PIEZO1: variants seen among roughly 807,000 people sequenced by gnomAD.
The protein encoded by PIEZO1 is piezo type mechanosensitive ion channel component 1 (Er blood group), also known as piezo-type mechanosensitive ion channel component 1.
PIEZO1 carries 296 observed loss-of-function variants against 297.2 expected under a neutral mutation model. The observed-to-expected ratio is 1.00, with a 90% CI of 0.91 to 1.10. The LOEUF (loss-of-function observed/expected upper bound fraction) is 1.10, where lower values mean the gene tolerates loss of function less well. Among genes scored for constraint, PIEZO1 ranks in the 50% least tolerant of loss-of-function variants. The probability of loss-of-function intolerance (pLI) is 0.00; values close to 1 mark genes in which losing one functional copy is unlikely to be tolerated. For synonymous variants in PIEZO1, 2,427 were observed against 1,507.5 expected, an observed-to-expected ratio of 1.61 and a Z score of -14.13; for missense variants, 5,018 against 3,455.5, an observed-to-expected ratio of 1.45 and a Z score of -11.34.
intron 44 of PIEZO1, 24 bp downstream of exon 44, chr16:88,719,550 G>C: frequency 6.5e-7 from 1 of 1,547,922 alleles, no homozygotes; most frequent in Non-Finnish European, 8.7e-7. Context: ...CCCTTGTCCC[G>C]GCCCCCGCCC....
In PIEZO1 at chr16:88,759,866, A is replaced by T. The variant is rs555043623; in HGVS notation, c.65-10387T>A. Among the ~76,000 whole-genome samples the T allele has an allele frequency of 3.5e-4, 54 of 152,252 alleles. No homozygotes were observed. In the South Asian group the frequency reaches 4.3e-3, roughly 12 times the overall value. On this transcript the variant is annotated intron_variant, in intron 1 of 50. Coordinates refer to ENST00000301015, the MANE Select transcript of PIEZO1 (RefSeq NM_001142864.4). The stretch of plus-strand genomic sequence containing the variant: ...CAGAGTGCCAGCACAGGAGCCTTGG[A>T]CAGCAGACAGAGGGGGAAGCTGTGT...
chr16:88,722,687 GC>G lies in PIEZO1; in HGVS notation c.4670del (p.Gly1557AlafsTer47). ...CCAGCACGCCCCTGTGCACTTCGCCGCCCTGCAGGGCACAGCAGGGGGCTCA... is the reference window on the plus strand; with the variant it reads ...CCAGCACGCCCCTGTGCACTTCGCCGCCTGCAGGGCACAGCAGGGGGCTCA... ...RYLLTQELLQ[G>X]GEVHRGVLDQ... On this transcript the variant is annotated frameshift_variant and splice_region_variant, in exon 35 of 51. Coordinates refer to ENST00000301015, the MANE Select transcript of PIEZO1 (RefSeq NM_001142864.4). LOFTEE classifies it high-confidence loss of function. 1 of 1,536,550 alleles carries G rather than the reference GC, an allele frequency of 6.5e-7. No homozygotes were observed. The highest frequency in any genetic ancestry group is 8.7e-7 in the Non-Finnish European group (1 of 1,145,934).
chr16:88,722,417 C>A lies in PIEZO1; in HGVS notation c.4776-20G>T. 6.7e-7 allele frequency: 1 copy of A among 1,483,534 alleles called. No individual in the cohort carries two copies. Among genetic ancestry groups the A allele is most frequent in the South Asian group, 1.3e-5 (1 of 74,322 alleles). 91.9% of individuals were successfully genotyped at this position (1,483,534 alleles called of 1,614,324 possible). On this transcript the variant is annotated intron_variant, in intron 35 of 50. Coordinates refer to ENST00000301015, the MANE Select transcript of PIEZO1 (RefSeq NM_001142864.4). ...AGCCCACTGGGGAGGGAAGCCGAGT[C>A]ACAGAGAATCCTGCTCTATGGCCTG...
intron 1 of PIEZO1, among the ~76,000 whole-genome samples, chr16:88,761,968 G>A (rs1480652204): frequency 6.6e-6 from 1 of 152,216 alleles, no homozygotes; most frequent in African/African-American, 2.4e-5. Context: ...TGCGCAGGTG[G>A]GTTCCTCGCC....
chr16:88,779,671 G>C (rs1184082654), intron 1 of PIEZO1, among the ~76,000 whole-genome samples: 2 of 152,224 alleles, frequency 1.3e-5, no homozygotes, highest in Non-Finnish European at 2.9e-5. Flanking sequence ...CACCCCTGGG[G>C]ACGCGCTGTG....
chr16:88,742,161 C>T (rs1487698301), intron 3 of PIEZO1, 66 bp from the exon 4 acceptor site: 7 of 1,526,900 alleles, frequency 4.6e-6, no homozygotes, highest in Non-Finnish European at 5.3e-6. Context: ...CTGGTCATCC[C>T]TGGAGCGTTT....
At chr16:88,781,869 T>G in intron 1 of PIEZO1, among the ~76,000 whole-genome samples, 1 of 152,218 alleles carries the variant, frequency 6.6e-6, no homozygotes. Context: ...TGGTGACACT[T>G]CTCAGTGACA....
At chr16:88,733,792 G>A (rs547572245) in intron 17 of PIEZO1, 47 bp from the exon 18 acceptor site, 19 of 1,482,872 alleles carry the variant, frequency 1.3e-5, no homozygotes, top group Non-Finnish European at 1.7e-5. Context: ...GGGATTCCCG[G>A]GTCCCCTGTG....
chr16:88,747,674 C>A (rs965787956), intron 2 of PIEZO1, among the ~76,000 whole-genome samples: 2 of 152,256 alleles, frequency 1.3e-5, no homozygotes, highest in African/African-American at 2.4e-5. Context: ...ACCCCAGTCC[C>A]CAGAATCTGT....
At chr16:88,775,147 G>C (rs1218590605) in intron 1 of PIEZO1, among the ~76,000 whole-genome samples, 1 of 152,238 alleles carries the variant, frequency 6.6e-6, no homozygotes, top group Non-Finnish European at 1.5e-5. Flanking sequence ...TGGCAGAGGG[G>C]CCGTCCCTGA....
intron 10 of PIEZO1, 161 bp downstream of exon 10, chr16:88,737,398 G>T: frequency 3.8e-5 from 22 of 571,764 alleles, no homozygotes; most frequent in Admixed American, 1.7e-4. Flanking sequence ...GGGGTCTCGG[G>T]GGTCACTGAC....
chr16:88,764,288 G>A (rs1040185996), intron 1 of PIEZO1, among the ~76,000 whole-genome samples: 3 of 152,124 alleles, frequency 2.0e-5, no homozygotes, highest in Non-Finnish European at 2.9e-5. Context: ...CCCTCCCGGC[G>A]CCCAGGTTCC....
At chr16:88,743,263 T>C (rs1045942279) in intron 2 of PIEZO1, 1 of 456,372 alleles carries the variant, frequency 2.2e-6, no homozygotes, top group African/African-American at 2.0e-5. Context: ...GGCGCACATG[T>C]GGACAGCTCA....
intron 12 of PIEZO1, 108 bp downstream of exon 12, chr16:88,736,040 T>G: frequency 8.8e-7 from 1 of 1,134,984 alleles, no homozygotes. Flanking sequence ...CAGACACATC[T>G]GCCTTCTTGG....
intron 2 of PIEZO1, among the ~76,000 whole-genome samples, chr16:88,747,560 C>G (rs763535276): frequency 2.6e-5 from 4 of 152,160 alleles, no homozygotes; most frequent in Admixed American, 2.0e-4. Context: ...CACAGCACCA[C>G]GAGCTAGGAG....
At chr16:88,760,666 G>C (rs11644992) in intron 1 of PIEZO1, among the ~76,000 whole-genome samples, 23,715 of 151,372 alleles carry the variant, frequency 0.16, 1,964 homozygotes, top group Middle Eastern at 0.22. Flanking sequence ...CAGCACCCAG[G>C]AAGCCCAGGA....
chr16:88,725,665 C>T lies in PIEZO1; in HGVS notation c.3988G>A (p.Ala1330Thr), dbSNP rs866681472. 16 of 1,546,910 alleles carry T rather than the reference C, an allele frequency of 1.0e-5. No individual in the cohort carries two copies. Among genetic ancestry groups the T allele is most frequent in the East Asian group, 2.4e-5 (1 of 40,904 alleles). The change falls in exon 28 of 51, where the codon GCT becomes ACT. Residue 1330 changes from alanine (A) to threonine (T), a missense_variant. Transcript: ENST00000301015. ...AAGTCAATGCTCTTGAGGTTGGCAGCGTTGTAGAGGGCGAAGCCCCTGTAG... is the reference window on the plus strand; with the variant it reads ...AAGTCAATGCTCTTGAGGTTGGCAGTGTTGTAGAGGGCGAAGCCCCTGTAG... ...LASRGFALYNAANLKSIDFHR... is the reference protein window; with the variant it reads ...LASRGFALYNTANLKSIDFHR...
In PIEZO1 at chr16:88,726,969, G is replaced by T; in HGVS notation, c.3456-11C>A. The T allele has an allele frequency of 6.5e-7, 1 of 1,549,992 alleles. No individual in the cohort carries two copies. On this transcript the variant is annotated splice_polypyrimidine_tract_variant and intron_variant, in intron 24 of 50. Coordinates refer to ENST00000301015, the MANE Select transcript of PIEZO1 (RefSeq NM_001142864.4). ...ATGTCAAGGTAGGACCTGCCAGGCC[G>T]GAGCGTCAGGGCGGGCGCCCCGGCC...
chr16:88,736,325 G>C lies in PIEZO1; in HGVS notation c.1380C>G (p.His460Gln), dbSNP rs1332084069. The change falls in exon 12 of 51, where the codon CAC (histidine) becomes CAG (glutamine). Residue 460 changes from histidine to glutamine, a missense_variant. Coordinates refer to ENST00000301015, the MANE Select transcript of PIEZO1 (RefSeq NM_001142864.4). ...AGGGCGAGCACAGCATGGCCAGTTG[G>C]TGGCGGCTGCGCACCGTCCAGATGA... is the stretch of plus-strand genomic sequence containing the variant. ...ACLIWTVRSR[H>Q]QLAMLCSPCI... 5 of 1,550,076 alleles carry C rather than the reference G, an allele frequency of 3.2e-6. No individual in the cohort carries two copies. Among genetic ancestry groups the C allele is most frequent in the Non-Finnish European group, 8.7e-7 (1 of 1,146,870 alleles).
Sources: gnomAD v4.1 joint callset for allele counts (sites outside exome capture counted in the v4.1 genomes callset) on GRCh38, gnomAD v4.1.1 for gene constraint, MANE v1.5 for transcripts, NCBI Gene and HGNC (gene_info 2026-07-23, HGNC 2026-07-21) for gene names.